Variants in WSB1 observed in about 807,000 individuals in gnomAD.
WSB1 encodes WD repeat and SOCS box containing 1, also known as WD repeat and SOCS box-containing protein 1.
A neutral mutation model predicts 50.2 loss-of-function variants in WSB1; 23 were observed. The ratio of observed to expected loss-of-function variants is 0.46; its 90% CI spans 0.33 to 0.65. The LOEUF (loss-of-function observed/expected upper bound fraction) is 0.65, where lower values mean the gene tolerates loss of function less well. Among genes scored for constraint, WSB1 ranks in the 30% least tolerant of loss-of-function variants. The pLI, the probability that WSB1 is intolerant of heterozygous loss-of-function variation, is 0.02. For synonymous variants in WSB1, 179 were observed against 172.0 expected (o/e 1.04, Z -0.32); for missense variants, 492 against 522.3 (o/e 0.94, Z 0.56).
chr17:27,312,272 T>C lies in WSB1; in HGVS notation c.1169T>C (p.Leu390Ser). The change falls in exon 9 of 9, where the codon TTA (leucine) becomes TCA (serine). Residue 390 changes from leucine (L) to serine (S), a missense_variant. By Grantham distance (145) the Leu-to-Ser change is moderately radical. Transcript: ENST00000262394. ...TPRQVPSLQH[L>S]CRMSIRRVMP... ...CGGCAGGTCCCTAGCCTGCAACATTTATGTCGCATGTCAATCCGAAGAGTG... is the reference window on the plus strand; with the variant it reads ...CGGCAGGTCCCTAGCCTGCAACATTCATGTCGCATGTCAATCCGAAGAGTG... 6.2e-7 allele frequency: 1 copy of C among 1,614,162 alleles called. No homozygotes were observed. The highest frequency in any genetic ancestry group is 8.5e-7 in the Non-Finnish European group (1 of 1,180,036).
Position 27,301,862 on chromosome 17 carries a change from A to G in WSB1, c.115A>G (p.Thr39Ala). ...CAAGAAATGTGGTCGTGAAAATTGG[A>G]CTGTTGCTTTTGCTCCAGATGGTTC... ...FDKKCGRENWTVAFAPDGSYF... is the reference protein window; with the variant it reads ...FDKKCGRENWAVAFAPDGSYF... Residue 39 changes from threonine (T) to alanine (A), a missense_variant, in exon 2 of 9, where the codon ACT (threonine) becomes GCT (alanine). Coordinates refer to ENST00000262394, the MANE Select transcript of WSB1 (RefSeq NM_015626.10). The G allele has an allele frequency of 6.2e-7, 1 of 1,614,042 alleles. No individual in the cohort carries two copies.
intron 1 of WSB1, among the ~76,000 whole-genome samples, chr17:27,295,909 C>T (rs1330179449): frequency 6.6e-6 from 1 of 151,682 alleles, no homozygotes; most frequent in Non-Finnish European, 1.5e-5. Context: ...ACGATCTCGG[C>T]TCACTGCAAC....
At chr17:27,295,951 C>T (rs2016950671) in intron 1 of WSB1, among the ~76,000 whole-genome samples, 1 of 152,064 alleles carries the variant, frequency 6.6e-6, no homozygotes, top group African/African-American at 2.4e-5. Context: ...GATTCTCCTC[C>T]CTCAGCCTCC....
At position 27,310,160 on chromosome 17, in the gene WSB1, C is replaced by T. The variant is rs747626761; in HGVS notation, c.984C>T (p.Ser328=). Residue 328 remains serine (S), a synonymous_variant, in exon 7 of 9, where the codon AGC becomes AGT. Transcript: ENST00000262394. ...GCCATGATGGACTGCATGTTGCAAG[C>T]CTTGCTGATGATAAGTAAGTATGTG... The part of the protein sequence containing the change: ...SFSHDGLHVA[S]LADDKMVRFW... 1 of 1,613,860 alleles carries T rather than the reference C, an allele frequency of 6.2e-7. No individual in the cohort carries two copies. The highest frequency in any genetic ancestry group is 2.2e-5 in the East Asian group (1 of 44,878).
intron 2 of WSB1, chr17:27,302,569 A>T (rs2017280515): frequency 1.3e-5 from 2 of 151,728 alleles, no homozygotes; most frequent in Non-Finnish European, 2.9e-5. Context: ...TTCACTTTGG[A>T]TTTTACATTT....
chr17:27,295,638 T>C (rs2016928448), intron 1 of WSB1, among the ~76,000 whole-genome samples: 1 of 152,192 alleles, frequency 6.6e-6, no homozygotes, highest in African/African-American at 2.4e-5. Flanking sequence ...GTCCAGTTAT[T>C]ATTTTAACTG....
rs2017782645 is a variant in WSB1, at chr17:27,313,902, G to GAA, written c.*1536_*1537dup. 1 of 152,184 alleles carries GAA rather than the reference G, an allele frequency of 6.6e-6. No individual in the cohort carries two copies. The highest frequency in any genetic ancestry group is 6.5e-5 in the Admixed American group (1 of 15,280). The allele number at this position is 152,184 out of a possible 1,614,324, so 9.4% of individuals were successfully genotyped here. A position where few individuals can be genotyped will look rare whatever the true frequency, so the allele number is the denominator to read the frequency against. ...ACAGGAAGGTGACTACTAAGCAAGA[G>GAA]AAAAGTATCTTTTAGTGGGGAACTA... On this transcript the variant is annotated 3_prime_UTR_variant, in exon 9 of 9. Transcript: ENST00000262394.
intron 5 of WSB1, chr17:27,307,891 C>T (rs1000964794): frequency 2.4e-5 from 34 of 1,441,764 alleles, no homozygotes; most frequent in South Asian, 4.4e-5. Flanking sequence ...ACCTTGCATT[C>T]GGCTGCAAGG....
At chr17:27,308,988 A>G in intron 5 of WSB1, 112 bp from the exon 6 acceptor site, 1 of 1,336,702 alleles carries the variant, frequency 7.5e-7, no homozygotes, top group Non-Finnish European at 9.7e-7. Context: ...ATTACTCATA[A>G]TTTATAATGC....
At chr17:27,301,652 G>T in intron 1 of WSB1, 136 bp from the exon 2 acceptor site, 2 of 775,594 alleles carry the variant, frequency 2.6e-6, no homozygotes, top group Non-Finnish European at 4.0e-6. Flanking sequence ...CCCCCCGTTA[G>T]AGGATGGAAT....
intron 4 of WSB1, among the ~76,000 whole-genome samples, chr17:27,305,820 A>AT (rs1383104552): frequency 6.6e-6 from 1 of 152,160 alleles, no homozygotes. Context: ...TATTTTAATA[A>AT]TTTTTTTATT....
chr17:27,308,143 G>T (rs1272440333), intron 5 of WSB1: 11 of 1,025,270 alleles, frequency 1.1e-5, no homozygotes, highest in Non-Finnish European at 1.2e-5. Context: ...GATATCTTAC[G>T]TCTTTGATTC....
At chr17:27,308,569 T>A (rs2017549850) in intron 5 of WSB1, 1 of 985,826 alleles carries the variant, frequency 1.0e-6, no homozygotes, top group Admixed American at 6.1e-5. Flanking sequence ...GCTGTGAATA[T>A]TCTATTTGCT....
In WSB1 at chr17:27,309,108, T is replaced by C. The variant is rs144755928; in HGVS notation, c.720T>C (p.Leu240=). 5 of 1,596,994 alleles carry C rather than the reference T, an allele frequency of 3.1e-6. No homozygotes were observed. The African/African-American group carries it at 6.7e-5, about 21-fold the overall frequency. ...TTGCCTTTTTATTGCAGGTTTTCCT[T>C]TGGAATATGGATAAATACACCATGA... The part of the protein sequence containing the change: ...CSVGASKAVF[L]WNMDKYTMIR... The change falls in exon 6 of 9, where the codon CTT becomes CTC. Residue 240 remains leucine (L), a synonymous_variant. Coordinates refer to ENST00000262394, the MANE Select transcript of WSB1 (RefSeq NM_015626.10).
Position 27,312,461 on chromosome 17 carries a change from CGTA to C in WSB1, c.*94_*96del. ...GACTTCAATTATCTGTTTTTAAAGA[CGTA>C]GAAGATTTATTTAATTTGATATGTT... is the stretch of plus-strand genomic sequence containing the variant. On this transcript the variant is annotated 3_prime_UTR_variant, in exon 9 of 9. Coordinates refer to ENST00000262394, the MANE Select transcript of WSB1 (RefSeq NM_015626.10). 5 of 1,499,940 alleles carry C rather than the reference CGTA, an allele frequency of 3.3e-6. No individual in the cohort carries two copies. The highest frequency in any genetic ancestry group is 4.5e-6 in the Non-Finnish European group (5 of 1,109,232). 92.9% of individuals were successfully genotyped at this position (1,499,940 alleles called of 1,614,324 possible). A position where few individuals can be genotyped will look rare whatever the true frequency, so the allele number is the denominator to read the frequency against.
rs2017727385 is a variant in WSB1 at position 27,312,532 on chromosome 17, T to C, written c.*163T>C. ...TCAGTTGAGCTTTTAAAATATTATTTATAGACAATAGAAGTATTTCTGAAC... is the reference window on the plus strand; with the variant it reads ...TCAGTTGAGCTTTTAAAATATTATTCATAGACAATAGAAGTATTTCTGAAC... On this transcript the variant is annotated 3_prime_UTR_variant, in exon 9 of 9. Transcript: ENST00000262394. 1 of 890,344 alleles carries C rather than the reference T, an allele frequency of 1.1e-6. No homozygotes were observed. The highest frequency in any genetic ancestry group is 1.7e-5 in the African/African-American group (1 of 58,326). 55.2% of individuals were successfully genotyped at this position (890,344 alleles called of 1,614,324 possible).
rs781195097 is a variant in WSB1, at chr17:27,306,892, A to G, written c.711+10A>G. 3.1e-6 allele frequency: 5 copies of G among 1,612,738 alleles called. No homozygotes were observed. The East Asian group carries it at 8.9e-5, about 29-fold the overall frequency. On this transcript the variant is annotated intron_variant, in intron 5 of 8. Transcript: ENST00000262394. ...CGGAGCCAGTAAAGCAGTACGTGTC[A>G]AAGTTCTTGTACATTCATTATGAAT... is the stretch of plus-strand genomic sequence containing the variant.
At chr17:27,307,258 C>A in intron 5 of WSB1, 1 of 211,494 alleles carries the variant, frequency 4.7e-6, no homozygotes, top group Middle Eastern at 1.9e-3. Context: ...GTTTTGAGTC[C>A]CAGCTGGTCC....
At chr17:27,298,952 T>C (rs1251612308) in intron 1 of WSB1, among the ~76,000 whole-genome samples, 5 of 152,068 alleles carry the variant, frequency 3.3e-5, no homozygotes, top group Non-Finnish European at 5.9e-5. Flanking sequence ...CTACAGCTAC[T>C]CAGGAGGTTG....
Sources: gnomAD v4.1 joint callset for allele counts (sites outside exome capture counted in the v4.1 genomes callset) on GRCh38, gnomAD v4.1.1 for gene constraint, MANE v1.5 for transcripts, NCBI Gene and HGNC (gene_info 2026-07-23, HGNC 2026-07-21) for gene names.